The following KCNH2 variants were observed in gnomAD, a reference collection of about 807,000 sequenced individuals.
KCNH2 encodes potassium voltage-gated channel subfamily H member 2, also known as voltage-gated inwardly rectifying potassium channel KCNH2.
KCNH2 carries 35 observed loss-of-function variants against 95.9 expected under a neutral mutation model. That is an observed-to-expected ratio of 0.37 (90% CI 0.28 to 0.48). The LOEUF is 0.48. Among genes scored for constraint, KCNH2 ranks in the 20% least tolerant of loss-of-function variants. The probability of loss-of-function intolerance (pLI) is 0.99; values close to 1 mark genes in which losing one functional copy is unlikely to be tolerated. For synonymous variants in KCNH2, 786 were observed against 754.7 expected (o/e 1.04, Z -0.68); for missense variants, 1,274 against 1,702.9 (o/e 0.75, Z 4.43).
chr7:150,948,991 G>T lies in KCNH2; in HGVS notation c.2457C>A (p.Asn819Lys), dbSNP rs768725008. 2 of 1,614,046 alleles carry T rather than the reference G, an allele frequency of 1.2e-6. No homozygotes were observed. Among genetic ancestry groups the T allele is most frequent in the Non-Finnish European group, 8.5e-7 (1 of 1,180,016 alleles). Residue 819 changes from asparagine to lysine, a missense_variant, in exon 10 of 15, where the codon AAC (asparagine) becomes AAA (lysine). By Grantham distance (94) the Asn-to-Lys change is moderately conservative. Around this residue, in one of 7 missense-constraint regions of KCNH2, gnomAD observed 159 missense variants for 282.5 expected, o/e 0.56. Transcript: ENST00000262186. ...LNLYARPGKS[N>K]GDVRALTYCD... Reference sequence around the variant, plus strand: ...AGTAGGTGAGGGCCCGCACATCCCCGTTCGACTTGCCAGGCCTTGCATACA... The same window carrying T: ...AGTAGGTGAGGGCCCGCACATCCCCTTTCGACTTGCCAGGCCTTGCATACA...
At chr7:150,957,101 T>G (rs552709210) in intron 5 of KCNH2, among the ~76,000 whole-genome samples, 190 bp downstream of exon 5, 1 of 152,066 alleles carries the variant, frequency 6.6e-6, no homozygotes, top group Non-Finnish European at 1.5e-5. Flanking sequence ...TCTCCAGGAC[T>G]TCTCAGACTG....
At chr7:150,949,408 A>T (rs901500685) in intron 9 of KCNH2, 18 of 375,770 alleles carry the variant, frequency 4.8e-5, no homozygotes, top group Admixed American at 1.5e-4. Context: ...CAAAACCAGC[A>T]TTTTTTTTTT....
Position 150,954,230 on chromosome 7 carries a change from C to T in KCNH2, c.1129-1377G>A, listed in dbSNP as rs534673811. ...AGCTCCTTAAGGCAGAGAGCAAATG[C>T]CCATGGGTGGGTGGCCCTTCAGTGA... On this transcript the variant is annotated intron_variant, in intron 5 of 14. Transcript: ENST00000262186. 5.3e-5 allele frequency among the ~76,000 whole-genome samples: 8 copies of T among 152,128 alleles called. No homozygotes were observed. In the East Asian group the frequency reaches 1.4e-3, roughly 26 times the overall value.
At chr7:150,964,893 C>T (rs1364254294) in intron 2 of KCNH2, among the ~76,000 whole-genome samples, 1 of 152,188 alleles carries the variant, frequency 6.6e-6, no homozygotes, top group African/African-American at 2.4e-5. Context: ...AGGAGCCGCT[C>T]CTGGCAGGGG....
rs750922191 is a variant in KCNH2 at position 150,958,549 on chromosome 7, C to T, written c.473-47G>A. 3.6e-5 allele frequency: 52 copies of T among 1,450,226 alleles called. No individual in the cohort carries two copies. The African/African-American group carries it at 4.0e-4, about 11-fold the overall frequency. The allele number at this position is 1,450,226 out of a possible 1,614,324, so 89.8% of individuals were successfully genotyped here. ...TGGTCGTGGGGATCGCGAGCAGCCCCGGAGCGGGCAAGGCCTGGGAAATGG... is the reference window on the plus strand; with the variant it reads ...TGGTCGTGGGGATCGCGAGCAGCCCTGGAGCGGGCAAGGCCTGGGAAATGG... On this transcript the variant is annotated intron_variant, in intron 3 of 14. Transcript: ENST00000262186.
At chr7:150,948,661 ACCCTT>A (rs1801016908) in intron 10 of KCNH2, 118 bp from the exon 11 acceptor site, 3 of 1,131,208 alleles carry the variant, frequency 2.7e-6, no homozygotes, top group Non-Finnish European at 2.6e-6. Flanking sequence ...CTCTGGGAAA[ACCCTT>A]CCCTGCCCCC....
intron 9 of KCNH2, chr7:150,949,358 C>G: frequency 8.0e-7 from 1 of 1,251,332 alleles, no homozygotes; most frequent in Non-Finnish European, 1.0e-6. Context: ...CCCTTATAAG[C>G]AATGTTCTTC....
chr7:150,955,552 G>A lies in KCNH2; in HGVS notation c.1128+1739C>T, dbSNP rs978720357. On this transcript the variant is annotated intron_variant, in intron 5 of 14. Transcript: ENST00000262186. ...TGCCTGCCCTGGGGCCTGAGGGCCC[G>A]GCCACTGCCTCACCTGCACCCCAGC... is the stretch of plus-strand genomic sequence containing the variant. The A allele has an allele frequency of 2.0e-5, 30 of 1,512,116 alleles. No homozygotes were observed. The highest frequency in any genetic ancestry group is 5.1e-5 in the South Asian group (4 of 78,934). The allele number at this position is 1,512,116 out of a possible 1,614,324, so 93.7% of individuals were successfully genotyped here.
chr7:150,970,265 TC>T (rs140645284), intron 2 of KCNH2, among the ~76,000 whole-genome samples: 462 of 81,246 alleles, frequency 5.7e-3, no homozygotes, highest in Non-Finnish European at 8.6e-3. Flanking sequence ...GTCTCCCCCC[TC>T]ACACACCCCC....
intron 13 of KCNH2, 23 bp downstream of exon 13, chr7:150,947,305 C>G (rs1298800421): frequency 6.5e-7 from 1 of 1,530,108 alleles, no homozygotes; most frequent in Non-Finnish European, 8.8e-7. Context: ...GCGTGCCCCC[C>G]CACCCCACCT....
intron 7 of KCNH2, 144 bp from the exon 8 acceptor site, chr7:150,951,264 G>T: frequency 1.0e-6 from 1 of 997,986 alleles, no homozygotes; most frequent in Non-Finnish European, 1.5e-6. Flanking sequence ...CTGCGCTCCA[G>T]CACACCCCAC....
In KCNH2 at chr7:150,947,779, G is replaced by A. The variant is rs749759697; in HGVS notation, c.2792C>T (p.Pro931Leu). The A allele has an allele frequency of 2.0e-5, 30 of 1,536,948 alleles. No individual in the cohort carries two copies. Among genetic ancestry groups the A allele is most frequent in the East Asian group, 7.3e-5 (3 of 40,864 alleles). ...GRPGGPWGES[P>L]SSGPSSPESS... ...CTCAGGGCTGGAGGGGCCACTGGACGGGCTCTCCCCCCACGGCCCCCCCGG... is the reference window on the plus strand; with the variant it reads ...CTCAGGGCTGGAGGGGCCACTGGACAGGCTCTCCCCCCACGGCCCCCCCGG... The change falls in exon 12 of 15, where the codon CCG (proline) becomes CTG (leucine). Residue 931 changes from proline to leucine, a missense_variant. By Grantham distance (98) the Pro-to-Leu change is moderately conservative. Around this residue, in one of 7 missense-constraint regions of KCNH2, gnomAD observed 457 missense variants for 416.1 expected, o/e 1.10. Transcript: ENST00000262186.
In KCNH2 at chr7:150,946,802, C is replaced by T; in HGVS notation, c.3330+75G>A. ...TGGGCCACAGAGCCCAGCAGAAAGGCAGCAAAGCAGGTTTGGGCTGGAATC... is the reference window on the plus strand; with the variant it reads ...TGGGCCACAGAGCCCAGCAGAAAGGTAGCAAAGCAGGTTTGGGCTGGAATC... On this transcript the variant is annotated intron_variant, in intron 14 of 14. Transcript: ENST00000262186. This position sits in a 1 kb window ranked among gnomAD's most constrained non-coding sequence, Gnocchi z 6.5. The T allele has an allele frequency of 7.2e-7, 1 of 1,391,754 alleles. No homozygotes were observed. Among genetic ancestry groups the T allele is most frequent in the Admixed American group, 1.8e-5 (1 of 54,306 alleles). The allele number at this position is 1,391,754 out of a possible 1,614,324, so 86.2% of individuals were successfully genotyped here. A position where few individuals can be genotyped will look rare whatever the true frequency, so the allele number is the denominator to read the frequency against.
chr7:150,957,291 C>T lies in KCNH2; in HGVS notation c.1128G>A (p.Gln376=), dbSNP rs770047651. 28 of 1,568,340 alleles carry T rather than the reference C, an allele frequency of 1.8e-5. 1 individual carries two copies. The highest frequency in any genetic ancestry group is 2.3e-5 in the South Asian group (2 of 85,462). ...RTHNVTEKVT[Q]VLSLGADVLP... ...GAGAGCCCGGCCGCTGGGCGCCTAC[C>T]TGGGTGACCTTCTCAGTGACATTGT... Residue 376 remains glutamine, a splice_region_variant and synonymous_variant, in exon 5 of 15, where the codon CAG becomes CAA. Transcript: ENST00000262186.
intron 8 of KCNH2, 79 bp downstream of exon 8, chr7:150,950,842 T>C (rs1801120218): frequency 4.1e-6 from 6 of 1,446,454 alleles, no homozygotes; most frequent in Non-Finnish European, 2.9e-6. Flanking sequence ...TGAGACTTGT[T>C]TGCTGTGCCA....
At chr7:150,964,292 C>T (rs1033095248) in intron 2 of KCNH2, among the ~76,000 whole-genome samples, 2 of 152,230 alleles carry the variant, frequency 1.3e-5, no homozygotes, top group Non-Finnish European at 2.9e-5. Flanking sequence ...TCACTAAGCA[C>T]ATCCGTGCCT....
In KCNH2 at chr7:150,952,569, G is replaced by T; in HGVS notation, c.1413C>A (p.Phe471Leu). ...CGTTGGCATTGACGTAGGTGGTGCG[G>T]AAGTTGATGAGGATGTCCACAATGA... Reference protein sequence around the residue: ...IMFIVDILINFRTTYVNANEE... With the variant: ...IMFIVDILINLRTTYVNANEE... The change falls in exon 6 of 15, where the codon TTC (phenylalanine) becomes TTA (leucine). Residue 471 changes from phenylalanine (F) to leucine (L), a missense_variant. Physicochemically the swap from Phe to Leu is conservative, Grantham distance 22. Coordinates refer to ENST00000262186, the MANE Select transcript of KCNH2 (RefSeq NM_000238.4). This position sits in a 1 kb window ranked among gnomAD's most constrained non-coding sequence, Gnocchi z 7.3. 6.2e-7 allele frequency: 1 copy of T among 1,614,220 alleles called. No individual in the cohort carries two copies. The highest frequency in any genetic ancestry group is 8.5e-7 in the Non-Finnish European group (1 of 1,180,050).
At chr7:150,970,908 T>A (rs990670810) in intron 2 of KCNH2, among the ~76,000 whole-genome samples, 1 of 152,008 alleles carries the variant, frequency 6.6e-6, no homozygotes, top group Non-Finnish European at 1.5e-5. Context: ...TATACACCAA[T>A]CCCTGTCCCA....
At chr7:150,953,076 G>C (rs1228920966) in intron 5 of KCNH2, among the ~76,000 whole-genome samples, 1 of 152,160 alleles carries the variant, frequency 6.6e-6, no homozygotes, top group African/African-American at 2.4e-5. Flanking sequence ...GCTCCAAACA[G>C]TTCCAACATT....
Sources: gnomAD v4.1 joint callset for allele counts (sites outside exome capture counted in the v4.1 genomes callset) on GRCh38, gnomAD v4.1.1 for gene constraint, gnomAD v4.1.1 regional missense constraint, Gnocchi (gnomAD v3.1) non-coding constraint, MANE v1.5 for transcripts, NCBI Gene and HGNC (gene_info 2026-07-23, HGNC 2026-07-21) for gene names.